SLC19A1: variants seen among roughly 807,000 people sequenced by gnomAD.
SLC19A1 encodes solute carrier family 19 member 1.
SLC19A1 carries 37 observed loss-of-function variants against 35.3 expected under a neutral mutation model. The ratio of observed to expected loss-of-function variants is 1.05; its 90% confidence interval spans 0.81 to 1.38. SLC19A1 has a LOEUF of 1.38. Ranked by LOEUF, SLC19A1 falls within the 40% of genes most tolerant of loss-of-function variation. The probability of loss-of-function intolerance (pLI) is 0.00; values close to 1 mark genes in which losing one functional copy is unlikely to be tolerated. For missense variants in SLC19A1, 831 were observed against 826.9 expected, an observed-to-expected ratio of 1.00 and a Z score of -0.06; for synonymous variants, 460 against 398.5, an observed-to-expected ratio of 1.15 and a Z score of -1.84.
intron 2 of SLC19A1, among the ~76,000 whole-genome samples, chr21:45,536,742 C>G (rs2078125084): frequency 1.3e-5 from 2 of 152,194 alleles, no homozygotes; most frequent in African/African-American, 2.4e-5. Context: ...AAGAGGCATG[C>G]CGAGCGTCAG....
Position 45,514,892 on chromosome 21 carries a change from A to T in SLC19A1, c.*766T>A. 7 of 1,117,328 alleles carry T rather than the reference A, an allele frequency of 6.3e-6. No individual in the cohort carries two copies. In the South Asian group the frequency reaches 9.5e-5, roughly 15 times the overall value. The allele number at this position is 1,117,328 out of a possible 1,614,324, so 69.2% of individuals were successfully genotyped here. ...TGCCCAGCCCAGGCAAGCCTGGCAC[A>T]TACCAAGGCCAGCACGTCCGCGGTG... On this transcript the variant is annotated 3_prime_UTR_variant, in exon 6 of 6. Coordinates refer to ENST00000311124, the MANE Select transcript of SLC19A1 (RefSeq NM_194255.4).
At chr21:45,512,113 TTCCTGCCCGGG>T, downstream of SLC19A1, 1 of 1,515,532 alleles carries the variant, frequency 6.6e-7, no homozygotes, top group South Asian at 1.2e-5. Context: ...GCCTCCACCT[TTCCTGCCCGGG>T]GAGCGGCCTC....
intron 3 of SLC19A1, chr21:45,503,887 G>T (rs972370449): frequency 1.1e-5 from 10 of 900,270 alleles, no homozygotes; most frequent in East Asian, 5.0e-5. Context: ...AATTAAATAC[G>T]CGATCTCTAC....
chr21:45,531,938 T>C lies in SLC19A1; in HGVS notation c.400A>G (p.Ile134Val). 1 of 1,602,690 alleles carries C rather than the reference T, an allele frequency of 6.2e-7. No homozygotes were observed. The highest frequency in any genetic ancestry group is 8.5e-7 in the Non-Finnish European group (1 of 1,175,432). ...GAGAAGATGTAGGAGGAATAGGCGA[T>C]GCGCGCGGCCATGGTGACGCTGTAG... ...LFYSVTMAAR[I>V]AYSSYIFSLV... Residue 134 changes from isoleucine (I) to valine (V), a missense_variant, in exon 3 of 6, where the codon ATC becomes GTC. By Grantham distance (29) the Ile-to-Val change is conservative. Transcript: ENST00000311124.
At chr21:45,509,423 G>A (rs752092795), downstream of SLC19A1, 65 of 1,538,156 alleles carry the variant, frequency 4.2e-5, no homozygotes, top group East Asian at 6.1e-4. Context: ...TACCCGCGGC[G>A]GGAGCACCCC....
chr21:45,507,773 T>C (rs1012066564), downstream of SLC19A1, among the ~76,000 whole-genome samples: 3 of 152,296 alleles, frequency 2.0e-5, no homozygotes, highest in East Asian at 5.8e-4. Context: ...GTCTCAGCGC[T>C]GGCCCCCCAG....
intron 2 of SLC19A1, among the ~76,000 whole-genome samples, chr21:45,537,062 A>G (rs987206479): frequency 6.6e-6 from 1 of 152,176 alleles, no homozygotes; most frequent in Non-Finnish European, 1.5e-5. Flanking sequence ...AATTCCTTCA[A>G]TAATCTCTTT....
At chr21:45,536,997 G>A (rs2078134338) in intron 2 of SLC19A1, among the ~76,000 whole-genome samples, 1 of 152,230 alleles carries the variant, frequency 6.6e-6, no homozygotes, top group Non-Finnish European at 1.5e-5. Context: ...CTGGGCATAA[G>A]CCTATTAGAA....
intron 3 of SLC19A1, chr21:45,504,075 G>A: frequency 3.1e-6 from 5 of 1,613,348 alleles, no homozygotes; most frequent in South Asian, 2.2e-5. Flanking sequence ...TCCCTGTGGG[G>A]TTGGGGGCCC....
At chr21:45,507,647 A>G (rs2037301518), downstream of SLC19A1, 1 of 1,538,476 alleles carries the variant, frequency 6.5e-7, no homozygotes. Flanking sequence ...ATGAGGGGGT[A>G]TGTGCTGTCC....
chr21:45,551,152 G>A (rs527635185), intron 1 of SLC19A1, among the ~76,000 whole-genome samples: 1 of 151,716 alleles, frequency 6.6e-6, no homozygotes, highest in East Asian at 1.9e-4. Context: ...TACTTAAGAG[G>A]CTGAGGCAGG....
Position 45,505,687 on chromosome 21 carries a change from C to G in SLC19A1, c.498-7075G>C, listed in dbSNP as rs938592578. 1.1e-5 allele frequency: 8 copies of G among 708,444 alleles called. No individual in the cohort carries two copies. In the Admixed American group the frequency reaches 1.7e-4, roughly 15 times the overall value. The allele number at this position is 708,444 out of a possible 1,614,324, so 43.9% of individuals were successfully genotyped here. ...AGGAGCTGGCGGCAGGCAGGGGTCCCCATGGTGCTCATGGGGGCAGCCGCC... is the reference window on the plus strand; with the variant it reads ...AGGAGCTGGCGGCAGGCAGGGGTCCGCATGGTGCTCATGGGGGCAGCCGCC... On this transcript the variant is annotated intron_variant, in intron 3 of 4. Coordinates refer to the SLC19A1 transcript ENST00000417954.
chr21:45,547,374 G>C (rs1311541345), upstream of SLC19A1, among the ~76,000 whole-genome samples: 1 of 152,234 alleles, frequency 6.6e-6, no homozygotes, highest in Non-Finnish European at 1.5e-5. Context: ...TTCAGGCCAT[G>C]AGGGGAAGGG....
chr21:45,543,524 C>A (rs1357319601), upstream of SLC19A1, among the ~76,000 whole-genome samples: 1 of 152,186 alleles, frequency 6.6e-6, no homozygotes, highest in East Asian at 1.9e-4. Flanking sequence ...CGACCTGCCT[C>A]CTGGTGTTGC....
Position 45,537,838 on chromosome 21 carries a change from A to G in SLC19A1, c.122T>C (p.Ile41Thr), listed in dbSNP as rs1294227526. ...YLCFYGFMAQIRPGESFITPY... is the reference protein window; with the variant it reads ...YLCFYGFMAQTRPGESFITPY... ...GGTGATGAAGCTCTCCCCTGGCCGTATCTGCGCCATGAAGCCGTAGAAGCA... is the reference window on the plus strand; with the variant it reads ...GGTGATGAAGCTCTCCCCTGGCCGTGTCTGCGCCATGAAGCCGTAGAAGCA... Residue 41 changes from isoleucine to threonine, a missense_variant, in exon 2 of 6, where the codon ATA becomes ACA. Physicochemically the swap from Ile to Thr is moderately conservative, Grantham distance 89. Coordinates refer to ENST00000311124, the MANE Select transcript of SLC19A1 (RefSeq NM_194255.4). 1.9e-6 allele frequency: 3 copies of G among 1,607,988 alleles called. No individual in the cohort carries two copies. The South Asian group carries it at 3.3e-5, about 18-fold the overall frequency.
chr21:45,559,095 C>T (rs2078590971), intron 1 of SLC19A1, among the ~76,000 whole-genome samples: 1 of 152,154 alleles, frequency 6.6e-6, no homozygotes, highest in Non-Finnish European at 1.5e-5. Context: ...GCATGAGCCA[C>T]CGTGCCTGGC....
At chr21:45,520,342 G>A (rs914765566) in intron 5 of SLC19A1, among the ~76,000 whole-genome samples, 1 of 152,052 alleles carries the variant, frequency 6.6e-6, no homozygotes, top group African/African-American at 2.4e-5. Flanking sequence ...AGTGCACTAA[G>A]TCAAGAAAAA....
chr21:45,545,175 T>C (rs1418905197), upstream of SLC19A1, among the ~76,000 whole-genome samples: 1 of 152,006 alleles, frequency 6.6e-6, no homozygotes, highest in South Asian at 2.1e-4. Context: ...GCACACACAC[T>C]GATGTGGTTT....
intron 3 of SLC19A1, chr21:45,506,204 C>A: frequency 1.8e-6 from 1 of 561,600 alleles, no homozygotes; most frequent in Non-Finnish European, 3.2e-6. Context: ...GTGTGAGGGG[C>A]TCCTGGTGGG....
Sources: gnomAD v4.1 joint callset for allele counts (sites outside exome capture counted in the v4.1 genomes callset) on GRCh38, gnomAD v4.1.1 for gene constraint, MANE v1.5 for transcripts, NCBI Gene and HGNC (gene_info 2026-07-23, HGNC 2026-07-21) for gene names.